The following SIK3 variants were observed in gnomAD, a reference collection of about 807,000 sequenced individuals.
SIK3 encodes the protein serine/threonine-protein kinase SIK3.
A neutral mutation model predicts 144.2 loss-of-function variants in SIK3; 28 were observed. That is an observed-to-expected ratio of 0.19 (90% CI 0.14 to 0.27). The LOEUF (loss-of-function observed/expected upper bound fraction) is 0.27, where lower values mean the gene tolerates loss of function less well. Among genes scored for constraint, SIK3 ranks in the 10% least tolerant of loss-of-function variants. SIK3 has a pLI of 1.00. For synonymous variants in SIK3, 686 were observed against 676.3 expected (o/e 1.01, Z -0.22); for missense variants, 1,319 against 1,776.0 (o/e 0.74, Z 4.62).
In SIK3 at chr11:117,073,859, C is replaced by G. The variant is rs1020342165; in HGVS notation, c.273+24284G>C. On this transcript the variant is annotated intron_variant, in intron 1 of 24. Transcript: ENST00000445177. ...TCCTTACCATTAACATGTTTGCTACCACAGCTGCTAAGAAAATTTTATGTT... is the reference window on the plus strand; with the variant it reads ...TCCTTACCATTAACATGTTTGCTACGACAGCTGCTAAGAAAATTTTATGTT... Among the ~76,000 whole-genome samples, 7 of 152,300 alleles carry G rather than the reference C, an allele frequency of 4.6e-5. No homozygotes were observed. The South Asian group carries it at 1.2e-3, about 27-fold the overall frequency.
chr11:116,930,085 C>T (rs1565464304), intron 3 of SIK3, among the ~76,000 whole-genome samples: 2 of 147,532 alleles, frequency 1.4e-5, no homozygotes. Context: ...GAACAAATCA[C>T]TTTTTTTTTT....
At chr11:116,884,859 G>GT (rs755867797) in intron 6 of SIK3, among the ~76,000 whole-genome samples, 3 of 152,162 alleles carry the variant, frequency 2.0e-5, no homozygotes, top group Non-Finnish European at 2.9e-5. Flanking sequence ...ACTGACTGCA[G>GT]TAAGATCCGA....
At chr11:116,879,643 TTACTC>T (rs1256515338) in intron 6 of SIK3, among the ~76,000 whole-genome samples, 1 of 152,224 alleles carries the variant, frequency 6.6e-6, no homozygotes, top group Non-Finnish European at 1.5e-5. Context: ...TTATTTTAAT[TTACTC>T]TAACTTCAAA....
chr11:117,013,058 G>T (rs1951332286), intron 1 of SIK3, among the ~76,000 whole-genome samples: 1 of 151,838 alleles, frequency 6.6e-6, no homozygotes, highest in Non-Finnish European at 1.5e-5. Flanking sequence ...CTAACCTACA[G>T]AAGAGCCCTT....
At chr11:116,896,086 A>G (rs1423609425) in intron 6 of SIK3, among the ~76,000 whole-genome samples, 167 bp downstream of exon 6, 2 of 152,164 alleles carry the variant, frequency 1.3e-5, no homozygotes, top group Admixed American at 1.3e-4. Flanking sequence ...CAAAACCTAT[A>G]TACTGTTTCT....
At chr11:116,955,358 A>T (rs1949101301) in intron 2 of SIK3, among the ~76,000 whole-genome samples, 1 of 152,230 alleles carries the variant, frequency 6.6e-6, no homozygotes, top group Non-Finnish European at 1.5e-5. Flanking sequence ...AGATCATGCC[A>T]CTGCACTCCA....
chr11:117,076,841 G>A (rs1453789281), intron 1 of SIK3, among the ~76,000 whole-genome samples: 1 of 152,084 alleles, frequency 6.6e-6, no homozygotes, highest in Non-Finnish European at 1.5e-5. Flanking sequence ...GCACCCGGCT[G>A]CCTTAAACAT....
chr11:116,948,584 GTT>G (rs756873799), intron 3 of SIK3, among the ~76,000 whole-genome samples: 2 of 152,092 alleles, frequency 1.3e-5, no homozygotes, highest in Admixed American at 6.5e-5. Flanking sequence ...GCCCATTTTT[GTT>G]TCTTAAGGGA....
At chr11:116,903,695 C>T (rs1217941884) in intron 4 of SIK3, among the ~76,000 whole-genome samples, 1 of 152,190 alleles carries the variant, frequency 6.6e-6, no homozygotes, top group Non-Finnish European at 1.5e-5. Context: ...CATCTTCCTG[C>T]CTCAGCCTCC....
chr11:116,857,769 G>A, intron 21 of SIK3, 41 bp downstream of exon 21: 1 of 1,606,650 alleles, frequency 6.2e-7, no homozygotes, highest in South Asian at 1.1e-5. Flanking sequence ...AGTTGATTAG[G>A]GCAGACTGGC....
intron 3 of SIK3, among the ~76,000 whole-genome samples, chr11:116,945,121 G>A (rs957989880): frequency 7.9e-5 from 12 of 151,854 alleles, no homozygotes; most frequent in Non-Finnish European, 1.6e-4. Flanking sequence ...CACCACACCT[G>A]GCTCATTTTT....
intron 1 of SIK3, among the ~76,000 whole-genome samples, chr11:117,010,025 C>A (rs1715124137): frequency 6.6e-6 from 1 of 152,088 alleles, no homozygotes; most frequent in Admixed American, 6.6e-5. Context: ...CAGTTCATCC[C>A]CAAAGAAGCT....
At chr11:116,977,415 A>C (rs531795726) in intron 1 of SIK3, among the ~76,000 whole-genome samples, 2 of 152,298 alleles carry the variant, frequency 1.3e-5, no homozygotes, top group South Asian at 2.1e-4. Flanking sequence ...TCTTCAAAGA[A>C]GAATAGATAC....
chr11:116,870,683 A>T (rs1292538298), intron 13 of SIK3, among the ~76,000 whole-genome samples: 2 of 152,206 alleles, frequency 1.3e-5, no homozygotes, highest in African/African-American at 4.8e-5. Flanking sequence ...ATGTGAATTT[A>T]CAGACATAGA....
intron 4 of SIK3, among the ~76,000 whole-genome samples, chr11:116,906,415 T>A (rs1946037512): frequency 6.6e-6 from 1 of 152,038 alleles, no homozygotes; most frequent in Admixed American, 6.5e-5. Flanking sequence ...TCTGAGAAAC[T>A]GAATTATAGT....
At chr11:116,864,017 TC>T in intron 15 of SIK3, 199 bp from the exon 16 acceptor site, 1 of 478,184 alleles carries the variant, frequency 2.1e-6, no homozygotes, top group Non-Finnish European at 3.7e-6. Flanking sequence ...GTGTACATCT[TC>T]CATTTCTACT....
chr11:116,844,626 T>C lies in SIK3; in HGVS notation c.*1017A>G, dbSNP rs1336084110. 36 of 34,828 alleles carry C rather than the reference T, an allele frequency of 1.0e-3. No individual in the cohort carries two copies. In the African/African-American group the frequency reaches 0.011, roughly 11 times the overall value. The allele number at this position is 34,828 out of a possible 1,614,324, so 2.2% of individuals were successfully genotyped here. ...ATATATATTATATATATAATATATATATAATATATTATATTATATATTATA... is the reference window on the plus strand; with the variant it reads ...ATATATATTATATATATAATATATACATAATATATTATATTATATATTATA... On this transcript the variant is annotated 3_prime_UTR_variant, in exon 25 of 25. Transcript: ENST00000445177.
chr11:117,035,411 A>G (rs756837747), intron 1 of SIK3, among the ~76,000 whole-genome samples: 2 of 152,224 alleles, frequency 1.3e-5, no homozygotes, highest in Non-Finnish European at 2.9e-5. Context: ...TAAATCTATT[A>G]ATGATTCTAT....
At chr11:116,871,330 G>A (rs1591429104) in intron 13 of SIK3, among the ~76,000 whole-genome samples, 2 of 152,282 alleles carry the variant, frequency 1.3e-5, no homozygotes, top group Admixed American at 1.3e-4. Flanking sequence ...TAATTTTGTC[G>A]GAAAGCTCCC....
Sources: allele counts gnomAD v4.1 joint callset (sites outside exome capture counted in the v4.1 genomes callset), GRCh38; gene constraint gnomAD v4.1.1; transcripts MANE v1.5; gene names NCBI Gene and HGNC (gene_info 2026-07-23, HGNC 2026-07-21).